The following DEPTOR variants were observed in gnomAD, a reference collection of about 807,000 sequenced individuals.
The protein encoded by DEPTOR is DEP domain-containing mTOR-interacting protein.
Under a neutral mutation model 41.6 loss-of-function variants are expected in DEPTOR, and 41 were observed. That is an observed-to-expected ratio of 0.98 (90% CI 0.77 to 1.28). The LOEUF is 1.28. Ranked by LOEUF, DEPTOR falls within the 50% of genes most tolerant of loss-of-function variation. The pLI, the probability that DEPTOR is intolerant of heterozygous loss-of-function variation, is 0.00. For missense variants in DEPTOR, 514 were observed against 527.9 expected (o/e 0.97, Z 0.26); for synonymous variants, 195 against 192.3 (o/e 1.01, Z -0.12).
chr8:119,874,212 C>T, intron 1 of DEPTOR: 1 of 561,456 alleles, frequency 1.8e-6, no homozygotes. Context: ...GCGCGCTGCG[C>T]CCTAGCCTGG....
At chr8:119,907,954 C>G (rs1399387581) in intron 1 of DEPTOR, among the ~76,000 whole-genome samples, 1 of 152,126 alleles carries the variant, frequency 6.6e-6, no homozygotes, top group Non-Finnish European at 1.5e-5. Context: ...ATTAGCACAA[C>G]TGAATTTATG....
chr8:119,918,770 T>G (rs183484196), intron 1 of DEPTOR, among the ~76,000 whole-genome samples: 1 of 152,160 alleles, frequency 6.6e-6, no homozygotes, highest in African/African-American at 2.4e-5. Context: ...AATTTTGTAT[T>G]TTTAGTAGTG....
At chr8:120,027,591 G>A (rs1812818354) in intron 8 of DEPTOR, among the ~76,000 whole-genome samples, 1 of 151,696 alleles carries the variant, frequency 6.6e-6, no homozygotes, top group African/African-American at 2.4e-5. Flanking sequence ...TGTAATCCCA[G>A]CTACTTGGGA....
chr8:119,896,804 A>T (rs1244964055), intron 1 of DEPTOR, among the ~76,000 whole-genome samples: 4 of 152,150 alleles, frequency 2.6e-5, no homozygotes, highest in Non-Finnish European at 5.9e-5. Flanking sequence ...AGCCTTGACT[A>T]ATCTTTGAAT....
chr8:119,993,761 A>G (rs1286475340), intron 4 of DEPTOR, among the ~76,000 whole-genome samples: 2 of 150,662 alleles, frequency 1.3e-5, no homozygotes, highest in Non-Finnish European at 2.9e-5. Flanking sequence ...TTTTTTCCAT[A>G]TCATGGATTT....
At chr8:119,906,270 A>G (rs7002423) in intron 1 of DEPTOR, among the ~76,000 whole-genome samples, 119,068 of 150,332 alleles carry the variant, frequency 0.79, 47,309 homozygotes, top group East Asian at 0.95. Flanking sequence ...TGAGCAACAT[A>G]ATGAAACCCC....
At chr8:119,923,443 A>T (rs948813124) in intron 1 of DEPTOR, among the ~76,000 whole-genome samples, 2 of 152,004 alleles carry the variant, frequency 1.3e-5, no homozygotes, top group African/African-American at 2.4e-5. Flanking sequence ...GGGTTTTGCC[A>T]TGTTGCCCAG....
At chr8:119,926,343 C>G (rs1049170948) in intron 1 of DEPTOR, among the ~76,000 whole-genome samples, 2 of 152,136 alleles carry the variant, frequency 1.3e-5, no homozygotes, top group Admixed American at 1.3e-4. Context: ...GCCCTAAGGA[C>G]TCAAAGTGTC....
chr8:120,026,933 T>C (rs1812805979), intron 8 of DEPTOR, among the ~76,000 whole-genome samples: 1 of 152,150 alleles, frequency 6.6e-6, no homozygotes, highest in Non-Finnish European at 1.5e-5. Flanking sequence ...ATAATAGTAA[T>C]GCCTACCGGG....
chr8:119,976,824 G>A (rs904636337), intron 4 of DEPTOR, among the ~76,000 whole-genome samples: 1 of 152,090 alleles, frequency 6.6e-6, no homozygotes, highest in African/African-American at 2.4e-5. Context: ...TTCACCAAGT[G>A]GGAGAATGGG....
intron 1 of DEPTOR, among the ~76,000 whole-genome samples, chr8:119,912,195 T>C (rs1471828535): frequency 2.0e-5 from 3 of 152,084 alleles, no homozygotes; most frequent in Non-Finnish European, 4.4e-5. Flanking sequence ...GTAGCCTAAA[T>C]ATAGGGAAGA....
At chr8:119,892,133 G>A (rs1049239264) in intron 1 of DEPTOR, among the ~76,000 whole-genome samples, 1 of 152,132 alleles carries the variant, frequency 6.6e-6, no homozygotes, top group African/African-American at 2.4e-5. Context: ...CGAGTAGCTG[G>A]GACTACAGGC....
At chr8:119,970,511 G>A (rs925027014) in intron 4 of DEPTOR, among the ~76,000 whole-genome samples, 2 of 152,298 alleles carry the variant, frequency 1.3e-5, no homozygotes, top group South Asian at 2.1e-4. Context: ...CACAGTCTTC[G>A]GAAGGAGACA....
chr8:119,966,189 G>C (rs1327583303), intron 4 of DEPTOR, among the ~76,000 whole-genome samples: 1 of 152,134 alleles, frequency 6.6e-6, no homozygotes, highest in Non-Finnish European at 1.5e-5. Context: ...TCCAAGTCCG[G>C]CACGGTGGCT....
intron 1 of DEPTOR, among the ~76,000 whole-genome samples, chr8:119,921,747 A>ATTTT (rs1827896534): frequency 7.6e-6 from 1 of 132,444 alleles, no homozygotes; most frequent in African/African-American, 3.0e-5. Flanking sequence ...TCTATTCTGT[A>ATTTT]GTTTTTTTTT....
chr8:119,965,940 A>G (rs1828553086), intron 4 of DEPTOR, among the ~76,000 whole-genome samples: 1 of 152,238 alleles, frequency 6.6e-6, no homozygotes, highest in African/African-American at 2.4e-5. Flanking sequence ...GTTACTGGTT[A>G]AGAAGTGTTT....
intron 4 of DEPTOR, among the ~76,000 whole-genome samples, chr8:119,985,601 G>A (rs1399289753): frequency 6.6e-6 from 1 of 151,966 alleles, no homozygotes; most frequent in Non-Finnish European, 1.5e-5. Flanking sequence ...ATTGCTTTTG[G>A]TGTTTTAGTC....
intron 1 of DEPTOR, among the ~76,000 whole-genome samples, chr8:119,919,845 C>T (rs1210779669): frequency 6.6e-6 from 1 of 152,200 alleles, no homozygotes; most frequent in African/African-American, 2.4e-5. Context: ...TTCCCTGAGT[C>T]CCACAATCTG....
chr8:120,001,369 G>A (rs1586652649), intron 4 of DEPTOR, among the ~76,000 whole-genome samples, 156 bp from the exon 5 acceptor site: 1 of 151,584 alleles, frequency 6.6e-6, no homozygotes, highest in East Asian at 1.9e-4. Context: ...AAAGAACTTG[G>A]AACCATGGGC....
Sources: gnomAD v4.1 joint callset for allele counts (sites outside exome capture counted in the v4.1 genomes callset) on GRCh38, gnomAD v4.1.1 for gene constraint, MANE v1.5 for transcripts, NCBI Gene and HGNC (gene_info 2026-07-23, HGNC 2026-07-21) for gene names.